Variants in COL25A1 observed in about 807,000 individuals in gnomAD.
COL25A1 encodes the protein collagen alpha-1(XXV) chain.
Under a neutral mutation model 128.4 loss-of-function variants are expected in COL25A1, and 103 were observed. That is an observed-to-expected ratio of 0.80 (90% CI 0.68 to 0.94). The LOEUF (loss-of-function observed/expected upper bound fraction) is 0.94, where lower values mean the gene tolerates loss of function less well. COL25A1 is among the 40% of genes least tolerant of loss of function. COL25A1 has a pLI of 0.00. For missense variants in COL25A1, 745 were observed against 840.0 expected (o/e 0.89, Z 1.40); for synonymous variants, 279 against 277.2 (o/e 1.01, Z -0.06).
intron 3 of COL25A1, among the ~76,000 whole-genome samples, chr4:109,153,143 T>C (rs1285811010): frequency 6.6e-6 from 1 of 151,974 alleles, no homozygotes; most frequent in African/African-American, 2.4e-5. Context: ...CCCAGCACTT[T>C]GGGAGGCCGA....
intron 8 of COL25A1, among the ~76,000 whole-genome samples, chr4:108,965,580 A>G (rs946488333): frequency 2.0e-5 from 3 of 152,184 alleles, no homozygotes; most frequent in African/African-American, 7.2e-5. Context: ...AGTCACTAAG[A>G]TAGAGAAAAG....
intron 3 of COL25A1, among the ~76,000 whole-genome samples, chr4:109,160,074 G>C (rs1317805905): frequency 6.6e-6 from 1 of 151,968 alleles, no homozygotes; most frequent in Non-Finnish European, 1.5e-5. Flanking sequence ...TCTTATAATA[G>C]GTAAATAGAA....
At chr4:109,033,887 AAAT>A (rs1436037020) in intron 5 of COL25A1, among the ~76,000 whole-genome samples, 2 of 152,162 alleles carry the variant, frequency 1.3e-5, no homozygotes, top group East Asian at 3.9e-4. Flanking sequence ...CAAAGTTAAT[AAAT>A]AATGGTGAAT....
intron 3 of COL25A1, among the ~76,000 whole-genome samples, chr4:109,087,213 T>C (rs1443418850): frequency 1.3e-5 from 2 of 151,844 alleles, no homozygotes; most frequent in Admixed American, 1.3e-4. Context: ...TTAGCATCCA[T>C]GCTGTGGCAT....
chr4:108,849,579 T>C (rs1160533101), intron 26 of COL25A1, among the ~76,000 whole-genome samples: 2 of 152,202 alleles, frequency 1.3e-5, no homozygotes, highest in Non-Finnish European at 2.9e-5. Context: ...GTTTAGTCAC[T>C]TCTCAGTTTT....
At chr4:109,097,507 G>A (rs117657449) in intron 3 of COL25A1, among the ~76,000 whole-genome samples, 2,996 of 151,108 alleles carry the variant, frequency 0.02, 66 homozygotes, top group Middle Eastern at 0.11. Flanking sequence ...CAGCTACCTG[G>A]GAGTGTGAGG....
At chr4:109,010,435 A>C (rs1305711443) in intron 5 of COL25A1, 60 bp from the exon 6 acceptor site, 3 of 1,159,772 alleles carry the variant, frequency 2.6e-6, no homozygotes, top group Non-Finnish European at 3.7e-6. Context: ...GAATATTTTC[A>C]CTACCAAAAC....
chr4:109,275,014 G>C (rs1372760498), intron 3 of COL25A1, among the ~76,000 whole-genome samples: 1 of 152,162 alleles, frequency 6.6e-6, no homozygotes, highest in Non-Finnish European at 1.5e-5. Context: ...TTTTTACACA[G>C]AAGGTACATG....
rs1730717417 is a variant in COL25A1 at position 108,810,613 on chromosome 4, C to T, written c.*3314G>A. On this transcript the variant is annotated 3_prime_UTR_variant, in exon 38 of 38. Transcript: ENST00000399132. ...CTCTGATGCTAGTTTTGTCATGTTT[C>T]ATCAAATCATATAAACTAAAAGACG... 6.6e-6 allele frequency: 1 copy of T among 151,852 alleles called. No homozygotes were observed. The highest frequency in any genetic ancestry group is 1.5e-5 in the Non-Finnish European group (1 of 67,822). The allele number at this position is 151,852 out of a possible 1,614,324, so 9.4% of individuals were successfully genotyped here.
At chr4:108,878,936 C>T (rs1041766133) in intron 19 of COL25A1, among the ~76,000 whole-genome samples, 7 of 152,134 alleles carry the variant, frequency 4.6e-5, no homozygotes, top group African/African-American at 7.2e-5. Flanking sequence ...TTCGTTTAAC[C>T]GGTACTCCAT....
chr4:109,031,158 C>G lies in COL25A1; in HGVS notation c.420+17010G>C, dbSNP rs183011760. On this transcript the variant is annotated intron_variant, in intron 5 of 37. Transcript: ENST00000399132. ...AGTGTTACAATACCTGTCGCCCAGG[C>G]TGGAGTGCAGTGGCGCGATCTCGGC... is the stretch of plus-strand genomic sequence containing the variant. Among the ~76,000 whole-genome samples the G allele has an allele frequency of 2.7e-3, 407 of 152,350 alleles. 3 individuals are homozygous for G. The highest frequency in any genetic ancestry group is 8.5e-3 in the African/African-American group (355 of 41,580).
intron 3 of COL25A1, among the ~76,000 whole-genome samples, chr4:109,290,519 T>A (rs979352706): frequency 2.6e-5 from 4 of 152,122 alleles, no homozygotes; most frequent in Admixed American, 2.6e-4. Context: ...GCTTAACATG[T>A]ATGGTAGTAC....
At chr4:109,094,550 C>A (rs375806474) in intron 3 of COL25A1, among the ~76,000 whole-genome samples, 2 of 152,168 alleles carry the variant, frequency 1.3e-5, no homozygotes, top group African/African-American at 2.4e-5. Context: ...TCGTCTACCC[C>A]CTTCTTGTAA....
intron 6 of COL25A1, among the ~76,000 whole-genome samples, chr4:108,985,847 A>G (rs528914630): frequency 2.6e-5 from 4 of 152,268 alleles, no homozygotes; most frequent in Non-Finnish European, 5.9e-5. Context: ...TCAAGCTGCA[A>G]TCCTGCATTC....
At chr4:109,107,151 A>G (rs983697015) in intron 3 of COL25A1, among the ~76,000 whole-genome samples, 5 of 152,200 alleles carry the variant, frequency 3.3e-5, no homozygotes, top group East Asian at 3.8e-4. Context: ...AGTATCCACC[A>G]TAAGTTCCAA....
At chr4:108,958,699 G>T (rs72668398) in intron 8 of COL25A1, among the ~76,000 whole-genome samples, 2 of 151,806 alleles carry the variant, frequency 1.3e-5, no homozygotes, top group African/African-American at 4.8e-5. Flanking sequence ...CTTAACGATG[G>T]TTATTCTATC....
At chr4:109,083,279 A>C (rs1041704629) in intron 3 of COL25A1, among the ~76,000 whole-genome samples, 1 of 152,020 alleles carries the variant, frequency 6.6e-6, no homozygotes, top group African/African-American at 2.4e-5. Context: ...ATATCAAAAA[A>C]TGATATTGTG....
At chr4:108,964,108 TTAA>T (rs1360728909) in intron 8 of COL25A1, among the ~76,000 whole-genome samples, 2 of 149,950 alleles carry the variant, frequency 1.3e-5, no homozygotes, top group Non-Finnish European at 3.0e-5. Context: ...AATTAATAAA[TTAA>T]TAAATAGTAA....
At chr4:109,108,880 A>G (rs1766716732) in intron 3 of COL25A1, among the ~76,000 whole-genome samples, 1 of 152,182 alleles carries the variant, frequency 6.6e-6, no homozygotes, top group South Asian at 2.1e-4. Flanking sequence ...GCACTTGGAA[A>G]CCAAAACATT....
Sources: allele counts gnomAD v4.1 joint callset (sites outside exome capture counted in the v4.1 genomes callset), GRCh38; gene constraint gnomAD v4.1.1; transcripts MANE v1.5; gene names NCBI Gene and HGNC (gene_info 2026-07-23, HGNC 2026-07-21).